Variants in OSBPL9 observed in about 807,000 individuals in gnomAD.
OSBPL9 encodes oxysterol-binding protein-related protein 9.
Under a neutral mutation model 106.6 loss-of-function variants are expected in OSBPL9, and 40 were observed. That is an observed-to-expected ratio of 0.38 (90% CI 0.29 to 0.49). The LOEUF is 0.49. OSBPL9 is among the 20% of genes least tolerant of loss of function. The pLI is 0.97. For synonymous variants in OSBPL9, 269 were observed against 295.4 expected (o/e 0.91, Z 0.92); for missense variants, 609 against 887.2 (o/e 0.69, Z 3.98).
Position 51,760,725 on chromosome 1 carries a change from T to C in OSBPL9, c.618T>C (p.Pro206=). ...TINPVDAIYQ[P]SPLEPVISTM... ...ATCCCGTAGATGCAATATATCAACC[T>C]AGTCCTTTGGAACCTGTGATCAGCA... Residue 206 remains proline (P), a synonymous_variant, in exon 10 of 24, where the codon CCT becomes CCC. Coordinates refer to ENST00000428468, the MANE Select transcript of OSBPL9 (RefSeq NM_024586.6). 1 of 1,613,872 alleles carries C rather than the reference T, an allele frequency of 6.2e-7. No homozygotes were observed. Among genetic ancestry groups the C allele is most frequent in the Non-Finnish European group, 8.5e-7 (1 of 1,179,844 alleles).
At chr1:51,535,568 T>A in the OSBPL9 span, among the ~76,000 whole-genome samples, 50,166 of 151,718 alleles carry the variant, frequency 0.33, 8,804 homozygotes, top group Middle Eastern at 0.45. Context: ...TATTTTTTTT[T>A]AAAAACAAAA....
intron 1 of OSBPL9, among the ~76,000 whole-genome samples, chr1:51,646,804 G>A (rs975055468): frequency 1.3e-5 from 2 of 152,018 alleles, no homozygotes; most frequent in African/African-American, 4.8e-5. Context: ...CAAAGTGCTG[G>A]GATTACAGGT....
In OSBPL9 at chr1:51,788,942, G is replaced by A. The variant is rs1275226839; in HGVS notation, c.*1153G>A. ...GTTATTCAATATACTGGTTACGTAAGGCCTTTCAAGAAGTAGATTCTCAGT... is the reference window on the plus strand; with the variant it reads ...GTTATTCAATATACTGGTTACGTAAAGCCTTTCAAGAAGTAGATTCTCAGT... On this transcript the variant is annotated 3_prime_UTR_variant, in exon 24 of 24. Coordinates refer to ENST00000428468, the MANE Select transcript of OSBPL9 (RefSeq NM_024586.6). Among the ~76,000 whole-genome samples the A allele has an allele frequency of 2.0e-5, 3 of 152,142 alleles. No homozygotes were observed. Among genetic ancestry groups the A allele is most frequent in the Middle Eastern group, 3.4e-3 (1 of 294 alleles).
chr1:51,781,763 A>C (rs1676446153), intron 16 of OSBPL9: 1 of 159,964 alleles, frequency 6.3e-6, no homozygotes, highest in Non-Finnish European at 1.4e-5. Context: ...GGGGGAGGTA[A>C]GGGAAAGGAG....
At chr1:51,694,657 T>C (rs796503804) in intron 3 of OSBPL9, among the ~76,000 whole-genome samples, 7 of 152,324 alleles carry the variant, frequency 4.6e-5, no homozygotes, top group African/African-American at 1.7e-4. Context: ...ACATCATGCG[T>C]TGGTTATTTG....
the OSBPL9 span, among the ~76,000 whole-genome samples, chr1:51,546,498 C>A: frequency 3.3e-5 from 5 of 151,918 alleles, no homozygotes; most frequent in East Asian, 7.8e-4. Context: ...GAGATCGAGA[C>A]CATCCTGGCT....
intron 3 of OSBPL9, among the ~76,000 whole-genome samples, chr1:51,693,309 C>T (rs1275083884): frequency 6.6e-6 from 1 of 151,190 alleles, no homozygotes; most frequent in Non-Finnish European, 1.5e-5. Context: ...GAGGTCAAGG[C>T]TGCTGCGAGC....
At chr1:51,766,199 A>G (rs1425827031) in intron 12 of OSBPL9, among the ~76,000 whole-genome samples, 1 of 152,114 alleles carries the variant, frequency 6.6e-6, no homozygotes, top group East Asian at 1.9e-4. Context: ...CAGTTCTGTG[A>G]GAGTTTTGAT....
chr1:51,545,383 T>C, the OSBPL9 span, among the ~76,000 whole-genome samples: 1 of 152,172 alleles, frequency 6.6e-6, no homozygotes, highest in East Asian at 1.9e-4. Flanking sequence ...TGGACAAACA[T>C]GGCGAAACTC....
chr1:51,527,323 G>C, the OSBPL9 span, among the ~76,000 whole-genome samples: 2 of 131,628 alleles, frequency 1.5e-5, no homozygotes, highest in African/African-American at 6.5e-5. Flanking sequence ...ACTATCCAAT[G>C]ATGATGGTGA....
At chr1:51,726,595 C>T (rs1663168735) in intron 4 of OSBPL9, among the ~76,000 whole-genome samples, 1 of 151,838 alleles carries the variant, frequency 6.6e-6, no homozygotes, top group Non-Finnish European at 1.5e-5. Flanking sequence ...AGGTAATAGG[C>T]ACGGCCTATT....
intron 5 of OSBPL9, among the ~76,000 whole-genome samples, chr1:51,746,418 A>G (rs919703787): frequency 2.0e-5 from 3 of 152,134 alleles, no homozygotes; most frequent in African/African-American, 7.2e-5. Context: ...AACAAAGCAG[A>G]AAAAAAACTT....
intron 2 of OSBPL9, among the ~76,000 whole-genome samples, chr1:51,659,577 G>A (rs976089614): frequency 4.6e-5 from 7 of 151,782 alleles, no homozygotes; most frequent in Non-Finnish European, 1.0e-4. Flanking sequence ...AAACAGTAGA[G>A]AGCATAAACC....
chr1:51,779,507 A>G (rs1049840714), intron 15 of OSBPL9, among the ~76,000 whole-genome samples: 10 of 152,234 alleles, frequency 6.6e-5, no homozygotes, highest in South Asian at 4.1e-4. Context: ...TTTATGACCA[A>G]TAATCCAAAA....
the OSBPL9 span, among the ~76,000 whole-genome samples, chr1:51,545,199 A>T: frequency 6.6e-6 from 1 of 152,208 alleles, no homozygotes; most frequent in Non-Finnish European, 1.5e-5. Context: ...AACCAGGCAA[A>T]TGTGAACTGG....
intron 2 of OSBPL9, among the ~76,000 whole-genome samples, chr1:51,656,647 T>TCTCCTCCCC (rs2148718400): frequency 6.8e-6 from 1 of 146,062 alleles, no homozygotes; most frequent in South Asian, 2.4e-4. Flanking sequence ...CACTCCTGCT[T>TCTCCTCCCC]CTCCTCCCCC....
chr1:51,661,581 T>C (rs1647156283), intron 2 of OSBPL9, among the ~76,000 whole-genome samples: 1 of 152,116 alleles, frequency 6.6e-6, no homozygotes, highest in South Asian at 2.1e-4. Flanking sequence ...ATCTGAAACC[T>C]TCAGAAAAAA....
At chr1:51,591,836 G>A (rs1036102716) in intron 1 of OSBPL9, among the ~76,000 whole-genome samples, 9 of 151,984 alleles carry the variant, frequency 5.9e-5, no homozygotes, top group Admixed American at 1.3e-4. Context: ...TTGGTATCTC[G>A]CTAATATATA....
chr1:51,617,017 A>AACC, upstream of OSBPL9: 67 of 1,405,426 alleles, frequency 4.8e-5, no homozygotes, highest in Non-Finnish European at 5.5e-5. Flanking sequence ...CCCGCCCAGG[A>AACC]CCCGCCCCGC....
Sources: gnomAD v4.1 joint callset for allele counts (sites outside exome capture counted in the v4.1 genomes callset) on GRCh38, gnomAD v4.1.1 for gene constraint, MANE v1.5 for transcripts, NCBI Gene and HGNC (gene_info 2026-07-23, HGNC 2026-07-21) for gene names.